MYO7B: variants seen among roughly 807,000 people sequenced by gnomAD.
MYO7B encodes the protein myosin VIIB.
MYO7B carries 212 observed loss-of-function variants against 259.7 expected under a neutral mutation model. That is an observed-to-expected ratio of 0.82 (90% CI 0.73 to 0.91). The LOEUF is 0.91. Ranked by LOEUF, MYO7B falls within the 40% of genes least tolerant of loss-of-function variation. MYO7B has a pLI of 0.00. For missense variants in MYO7B, 2,732 were observed against 2,813.5 expected (o/e 0.97, Z 0.66); for synonymous variants, 1,197 against 1,166.4 (o/e 1.03, Z -0.54).
At chr2:127,561,864 G>A (rs1474090336) in intron 2 of MYO7B, among the ~76,000 whole-genome samples, 1 of 152,214 alleles carries the variant, frequency 6.6e-6, no homozygotes. Flanking sequence ...CACAGTCCTG[G>A]AAGCTGGAAG....
At position 127,538,860 on chromosome 2, in the gene MYO7B, A is replaced by G. The variant is rs577179913; in HGVS notation, c.-24+3029A>G. ...GATTACAGGCGTGAGCCACTGCACC[A>G]GGCTCTGCAGAAATCTTGAGTCAAG... On this transcript the variant is annotated intron_variant, in intron 1 of 47. Transcript: ENST00000409816. Among the ~76,000 whole-genome samples the G allele has an allele frequency of 3.9e-5, 6 of 152,310 alleles. 1 individual carries two copies. The East Asian group carries it at 1.2e-3, about 29-fold the overall frequency.
In MYO7B at chr2:127,585,881, G is replaced by A. The variant is rs547182668; in HGVS notation, c.1690+968G>A. On this transcript the variant is annotated intron_variant, in intron 14 of 47. Transcript: ENST00000409816. This position sits in a 1 kb window ranked among gnomAD's most constrained non-coding sequence, Gnocchi z 4.3. ...GCCATTTGCACGTCTTCTTTGGAGG[G>A]ATGTCTATTTAAATGCTCTGCCTGT... is the stretch of plus-strand genomic sequence containing the variant. 5.3e-5 allele frequency among the ~76,000 whole-genome samples: 8 copies of A among 152,300 alleles called. No individual in the cohort carries two copies. The South Asian group carries it at 1.2e-3, about 24-fold the overall frequency.
At position 127,582,663 on chromosome 2, in the gene MYO7B, C is replaced by T. The variant is rs576329178; in HGVS notation, c.1343+217C>T. 6.6e-5 allele frequency among the ~76,000 whole-genome samples: 10 copies of T among 152,332 alleles called. No individual in the cohort carries two copies. In the South Asian group the frequency reaches 1.7e-3, roughly 25 times the overall value. On this transcript the variant is annotated intron_variant, in intron 12 of 47. Transcript: ENST00000409816. ...GTCCCTGAGAGCCGGGCTAAGGCCC[C>T]GGCATTTGTCACCCTTCTTGGGCCA...
chr2:127,612,484 C>A lies in MYO7B; in HGVS notation c.3279C>A (p.Ser1093Arg). The change falls in exon 26 of 48, where the codon AGC (serine) becomes AGA (arginine). Residue 1093 changes from serine (S) to arginine (R), a missense_variant. Physicochemically the swap from Ser to Arg is moderately radical, Grantham distance 110. Transcript: ENST00000409816. ...TGCCTTTGGGTTTCAAGGTGGCCAG[C>A]CAGCTGAACATTGGAGAGGAGGCAT... ...RSSRITGQVA[S>R]QLNIGEEALE... is the part of the protein sequence containing the mutation. 6.4e-7 allele frequency: 1 copy of A among 1,553,930 alleles called. No individual in the cohort carries two copies. The highest frequency in any genetic ancestry group is 8.7e-7 in the Non-Finnish European group (1 of 1,148,294).
Position 127,593,618 on chromosome 2 carries a change from G to A in MYO7B, c.2218G>A (p.Ala740Thr). The change falls in exon 18 of 48, where the codon GCG (alanine) becomes ACG (threonine). Residue 740 changes from alanine to threonine, a missense_variant. Ala to Thr is a moderately conservative substitution (Grantham distance 58, BLOSUM62 0). Coordinates refer to ENST00000409816, the MANE Select transcript of MYO7B (RefSeq NM_001393586.1). Reference protein sequence around the residue: ...VWLRTDKDWKAGKTKIFLRDH... With the variant: ...VWLRTDKDWKTGKTKIFLRDH... ...GCTGCGGACAGACAAAGACTGGAAA[G>A]CGGGGAAGACAAAAATTTTCCTGAG... is the stretch of plus-strand genomic sequence containing the variant. The A allele has an allele frequency of 6.2e-7, 1 of 1,613,754 alleles. No individual in the cohort carries two copies. The highest frequency in any genetic ancestry group is 1.3e-5 in the African/African-American group (1 of 75,066).
At chr2:127,633,492 A>G in intron 40 of MYO7B, 129 bp downstream of exon 40, 1 of 878,436 alleles carries the variant, frequency 1.1e-6, no homozygotes, top group South Asian at 1.7e-5. Flanking sequence ...CATCCTAACC[A>G]GTCTCCCGCC....
Position 127,632,532 on chromosome 2 carries a change from G to A in MYO7B, c.5405+131G>A, listed in dbSNP as rs538906731. 68 of 1,206,158 alleles carry A rather than the reference G, an allele frequency of 5.6e-5. No homozygotes were observed. In the East Asian group the frequency reaches 1.8e-3, roughly 33 times the overall value. 74.7% of individuals were successfully genotyped at this position (1,206,158 alleles called of 1,614,324 possible). A position where few individuals can be genotyped will look rare whatever the true frequency, so the allele number is the denominator to read the frequency against. ...TCCAGAAGCCAGTGTCAGCTTGGCA[G>A]GCAGGATTGGGCCCCGAGCTGCCAG... is the stretch of plus-strand genomic sequence containing the variant. On this transcript the variant is annotated intron_variant, in intron 39 of 47. Transcript: ENST00000409816.
rs1383682026 is a variant in MYO7B, at chr2:127,578,337, G to T, written c.1003+51G>T. ...ACCCTTGGGGAGGGAGAGGGAAGGGGACAGGAGCAGGAAGGCATCTCTAGG... is the reference window on the plus strand; with the variant it reads ...ACCCTTGGGGAGGGAGAGGGAAGGGTACAGGAGCAGGAAGGCATCTCTAGG... On this transcript the variant is annotated intron_variant, in intron 9 of 47. Transcript: ENST00000409816. 5 of 1,607,380 alleles carry T rather than the reference G, an allele frequency of 3.1e-6. No individual in the cohort carries two copies. The African/African-American group carries it at 4.0e-5, about 13-fold the overall frequency.
In MYO7B at chr2:127,588,519, C is replaced by T; in HGVS notation, c.1818C>T (p.Thr606=). 1 of 1,613,306 alleles carries T rather than the reference C, an allele frequency of 6.2e-7. No individual in the cohort carries two copies. Among genetic ancestry groups the T allele is most frequent in the East Asian group, 2.2e-5 (1 of 44,888 alleles). The change falls in exon 15 of 48, where the codon ACC becomes ACT. Residue 606 remains threonine, a synonymous_variant. Coordinates refer to ENST00000409816, the MANE Select transcript of MYO7B (RefSeq NM_001393586.1). ...CAGAGACCAAGCTGGGCCATGGGAC[C>T]ATCCGCCAGGCAAAGGCAGGAAACC... The part of the protein sequence containing the change: ...ELAETKLGHG[T]IRQAKAGNHL...
At position 127,590,972 on chromosome 2, in the gene MYO7B, T is replaced by C. The variant is rs1401468777; in HGVS notation, c.1992+743T>C. On this transcript the variant is annotated intron_variant, in intron 16 of 47. Coordinates refer to ENST00000409816, the MANE Select transcript of MYO7B (RefSeq NM_001393586.1). This position sits in a 1 kb window ranked among gnomAD's most constrained non-coding sequence, Gnocchi z 4.6. Reference sequence around the variant, plus strand: ...ACTTTGGGAGGCTGAGGCGGGAGGATTGCTTGAGGCAAGCCTGGGCAACAT... The same window carrying C: ...ACTTTGGGAGGCTGAGGCGGGAGGACTGCTTGAGGCAAGCCTGGGCAACAT... Among the ~76,000 whole-genome samples, 1 of 152,212 alleles carries C rather than the reference T, an allele frequency of 6.6e-6. No homozygotes were observed. The highest frequency in any genetic ancestry group is 2.4e-5 in the African/African-American group (1 of 41,440).
chr2:127,567,880 G>A (rs1394581772), intron 5 of MYO7B, among the ~76,000 whole-genome samples: 1 of 152,154 alleles, frequency 6.6e-6, no homozygotes, highest in South Asian at 2.1e-4. Flanking sequence ...ACACAGCAGG[G>A]GAGAGGAAAG....
chr2:127,622,147 A>G (rs1318228295), intron 28 of MYO7B, 46 bp downstream of exon 28: 6 of 1,515,214 alleles, frequency 4.0e-6, no homozygotes, highest in Non-Finnish European at 5.3e-6. Context: ...GGTGGTGCAG[A>G]CCCCCAGGGA....
chr2:127,537,406 C>T (rs1483943966), intron 1 of MYO7B, among the ~76,000 whole-genome samples: 1 of 152,164 alleles, frequency 6.6e-6, no homozygotes, highest in Non-Finnish European at 1.5e-5. Flanking sequence ...TCAGACAAAA[C>T]CAATGGCCTC....
chr2:127,618,219 A>G (rs769540210), intron 26 of MYO7B, among the ~76,000 whole-genome samples: 1 of 152,146 alleles, frequency 6.6e-6, no homozygotes. Context: ...GGGAGTTACT[A>G]CTGTCACTAC....
At position 127,569,773 on chromosome 2, in the gene MYO7B, C is replaced by A; in HGVS notation, c.471-16C>A. The A allele has an allele frequency of 1.2e-6, 2 of 1,606,414 alleles. No individual in the cohort carries two copies. Among genetic ancestry groups the A allele is most frequent in the Non-Finnish European group, 8.5e-7 (1 of 1,174,850 alleles). On this transcript the variant is annotated splice_polypyrimidine_tract_variant and intron_variant, in intron 5 of 47. Coordinates refer to ENST00000409816, the MANE Select transcript of MYO7B (RefSeq NM_001393586.1). ...GTCGTTTTGTGGCATCATGTCCCTG[C>A]ACACCCTTTTTGCAGCGGCGAGTCT...
intron 1 of MYO7B, among the ~76,000 whole-genome samples, chr2:127,536,860 C>T (rs908926997): frequency 1.3e-5 from 2 of 152,212 alleles, no homozygotes; most frequent in African/African-American, 4.8e-5. Context: ...GGGGGCCCTA[C>T]GTCTGTCCTC....
chr2:127,622,178 G>A, intron 28 of MYO7B, 77 bp downstream of exon 28: 1 of 1,473,864 alleles, frequency 6.8e-7, no homozygotes, highest in Non-Finnish European at 9.0e-7. Flanking sequence ...AGCTCATGGG[G>A]TGCCTTCTCC....
Position 127,635,180 on chromosome 2 carries a change from C to T in MYO7B, c.5774C>T (p.Ser1925Phe). The change falls in exon 43 of 48, where the codon TCT becomes TTT. Residue 1925 changes from serine (S) to phenylalanine (F), a missense_variant. This residue lies in a region of MYO7B where 821 missense variants were observed against 769.3 expected (regional missense o/e 1.07). Transcript: ENST00000409816. Reference protein sequence around the residue: ...YFMRKLWLNISPGKDVNADTI... With the variant: ...YFMRKLWLNIFPGKDVNADTI... ...ATGCGGAAATTGTGGCTCAACATAT[C>T]TCCAGGGAAGGATGTGAATGCAGAC... The T allele has an allele frequency of 6.2e-7, 1 of 1,613,674 alleles. No individual in the cohort carries two copies. Among genetic ancestry groups the T allele is most frequent in the Non-Finnish European group, 8.5e-7 (1 of 1,179,766 alleles).
In MYO7B at chr2:127,580,822, G is replaced by A. The variant is rs1679070310; in HGVS notation, c.1080G>A (p.Glu360=). ...TTCCCACCGTGATGAAGTTACTGGA[G>A]GTAGGGGTGCTGTGCCCACAGCTTC... is the stretch of plus-strand genomic sequence containing the variant. ...PAFPTVMKLL[E]VQHQELRDCL... is the part of the protein sequence containing the mutation. Residue 360 remains glutamate, a splice_region_variant and synonymous_variant, in exon 10 of 48, where the codon GAG becomes GAA. Coordinates refer to ENST00000409816, the MANE Select transcript of MYO7B (RefSeq NM_001393586.1). 4.3e-6 allele frequency: 7 copies of A among 1,612,578 alleles called. No homozygotes were observed. Among genetic ancestry groups the A allele is most frequent in the East Asian group, 2.2e-5 (1 of 44,834 alleles).
Sources: allele counts gnomAD v4.1 joint callset (sites outside exome capture counted in the v4.1 genomes callset), GRCh38; gene constraint gnomAD v4.1.1; regional missense constraint gnomAD v4.1.1; non-coding constraint Gnocchi (gnomAD v3.1); transcripts MANE v1.5; gene names NCBI Gene and HGNC (gene_info 2026-07-23, HGNC 2026-07-21).